TMEM108: variants seen among roughly 807,000 people sequenced by gnomAD.
TMEM108 encodes cancer/testis antigen 124.
Under a neutral mutation model 35.1 loss-of-function variants are expected in TMEM108, and 12 were observed. That is an observed-to-expected ratio of 0.34 (90% CI 0.22 to 0.55). TMEM108 has a LOEUF of 0.55. Ranked by LOEUF, TMEM108 falls within the 20% of genes least tolerant of loss-of-function variation. The pLI, the probability that TMEM108 is intolerant of heterozygous loss-of-function variation, is 0.89. For missense variants in TMEM108, 680 were observed against 753.3 expected, an observed-to-expected ratio of 0.90 and a Z score of 1.14; for synonymous variants, 287 against 308.6, an observed-to-expected ratio of 0.93 and a Z score of 0.73.
chr3:133,330,193 T>C lies in TMEM108; in HGVS notation c.41-49559T>C, dbSNP rs578232329. On this transcript the variant is annotated intron_variant, in intron 3 of 5. Coordinates refer to ENST00000321871, the MANE Select transcript of TMEM108 (RefSeq NM_023943.4). ...CTTTCAATAGATAAGAAGCCTTCTC[T>C]CTGCTGGCCATGCTTCCCCTGCGGA... Among the ~76,000 whole-genome samples the C allele has an allele frequency of 1.6e-4, 24 of 152,370 alleles. No homozygotes were observed. The South Asian group carries it at 5.0e-3, about 32-fold the overall frequency.
chr3:133,231,439 T>C (rs1946151761), intron 3 of TMEM108, among the ~76,000 whole-genome samples: 1 of 152,184 alleles, frequency 6.6e-6, no homozygotes, highest in South Asian at 2.1e-4. Flanking sequence ...ATGACTCTAA[T>C]GGCTGAGGGC....
chr3:133,209,638 T>C (rs1195686189), intron 2 of TMEM108, among the ~76,000 whole-genome samples: 6 of 152,182 alleles, frequency 3.9e-5, no homozygotes, highest in Non-Finnish European at 7.3e-5. Context: ...TCTGTGCAGT[T>C]GGCTATGGTC....
intron 2 of TMEM108, among the ~76,000 whole-genome samples, chr3:133,072,074 A>G (rs1411126143): frequency 2.0e-5 from 3 of 152,192 alleles, no homozygotes; most frequent in Non-Finnish European, 4.4e-5. Flanking sequence ...TATTGAAAAC[A>G]CAGTCCTTTG....
chr3:133,139,813 G>A (rs908860605), intron 2 of TMEM108, among the ~76,000 whole-genome samples: 4 of 152,140 alleles, frequency 2.6e-5, no homozygotes, highest in Non-Finnish European at 5.9e-5. Flanking sequence ...GCTTGCCACT[G>A]TGACATCTCT....
intron 3 of TMEM108, among the ~76,000 whole-genome samples, chr3:133,286,299 G>A (rs1364643716): frequency 1.3e-5 from 2 of 152,106 alleles, no homozygotes; most frequent in South Asian, 2.1e-4. Context: ...CAAAGAATCT[G>A]TGGTCATCTC....
intron 3 of TMEM108, among the ~76,000 whole-genome samples, chr3:133,359,606 G>A (rs1049157615): frequency 2.6e-5 from 4 of 152,130 alleles, no homozygotes; most frequent in Admixed American, 2.0e-4. Context: ...ACCTTCAGGC[G>A]GGTTAAAGCT....
At position 133,236,373 on chromosome 3, in the gene TMEM108, A is replaced by G. The variant is rs551151858; in HGVS notation, c.40+7022A>G. Among the ~76,000 whole-genome samples, 3 of 152,108 alleles carry G rather than the reference A, an allele frequency of 2.0e-5. No individual in the cohort carries two copies. In the South Asian group the frequency reaches 6.2e-4, roughly 32 times the overall value. ...ACTACTGGTATGGATTTGGACCCCT[A>G]CTCTATAGAATTTAGAAGGAAAATA... is the stretch of plus-strand genomic sequence containing the variant. On this transcript the variant is annotated intron_variant, in intron 3 of 5. Coordinates refer to ENST00000321871, the MANE Select transcript of TMEM108 (RefSeq NM_023943.4).
At chr3:133,127,658 T>C (rs9872737) in intron 2 of TMEM108, among the ~76,000 whole-genome samples, 48,259 of 152,130 alleles carry the variant, frequency 0.32, 9,060 homozygotes, top group Non-Finnish European at 0.42. Flanking sequence ...TCCTCTTGTC[T>C]TCCACTCCAG....
chr3:133,290,198 C>T (rs1947043406), intron 3 of TMEM108, among the ~76,000 whole-genome samples: 1 of 152,132 alleles, frequency 6.6e-6, no homozygotes, highest in African/African-American at 2.4e-5. Context: ...GACAAGGTGA[C>T]CAGGGAAGGC....
chr3:133,378,893 A>T (rs899919733), intron 3 of TMEM108, among the ~76,000 whole-genome samples: 4 of 151,248 alleles, frequency 2.6e-5, no homozygotes, highest in African/African-American at 9.7e-5. Flanking sequence ...GAGTTCAGCC[A>T]CATGAATGCC....
intron 2 of TMEM108, among the ~76,000 whole-genome samples, chr3:133,066,769 T>G (rs971739510): frequency 6.6e-6 from 1 of 152,202 alleles, no homozygotes; most frequent in Non-Finnish European, 1.5e-5. Context: ...ACCACTGCCT[T>G]TGAAGCCCCC....
Position 133,396,120 on chromosome 3 carries a change from A to G in TMEM108, c.*134A>G. The G allele has an allele frequency of 1.8e-6, 1 of 545,064 alleles. No homozygotes were observed. Among genetic ancestry groups the G allele is most frequent in the Non-Finnish European group, 2.5e-6 (1 of 395,504 alleles). 33.8% of individuals were successfully genotyped at this position (545,064 alleles called of 1,614,324 possible). On this transcript the variant is annotated 3_prime_UTR_variant, in exon 6 of 6. Transcript: ENST00000321871. ...ACATTTTCAGCTTTTTTTCCTATGA[A>G]TTGTCAACATCTTTTTTACAAGTGT...
chr3:133,380,871 C>A lies in TMEM108; in HGVS notation c.1160C>A (p.Thr387Asn), dbSNP rs977084601. ...QGASTTPQAPTHPSRVSESTI... is the reference protein window; with the variant it reads ...QGASTTPQAPNHPSRVSESTI... Reference sequence around the variant, plus strand: ...GCATCCACAACCCCACAAGCTCCAACCCATCCCTCCAGGGTCTCAGAAAGC... The same window carrying A: ...GCATCCACAACCCCACAAGCTCCAAACCATCCCTCCAGGGTCTCAGAAAGC... The change falls in exon 4 of 6, where the codon ACC becomes AAC. Residue 387 changes from threonine to asparagine, a missense_variant. Physicochemically the swap from Thr to Asn is moderately conservative, Grantham distance 65 (BLOSUM62 0). Around this residue, in one of 3 missense-constraint regions of TMEM108, gnomAD observed 526 missense variants for 532.1 expected, o/e 0.99. Coordinates refer to ENST00000321871, the MANE Select transcript of TMEM108 (RefSeq NM_023943.4). The surrounding 1 kb of genome is among the most constrained non-coding windows in gnomAD (Gnocchi z 5.3). 59 of 1,614,096 alleles carry A rather than the reference C, an allele frequency of 3.7e-5. No homozygotes were observed. The highest frequency in any genetic ancestry group is 4.7e-5 in the Non-Finnish European group (56 of 1,180,038).
At chr3:133,138,475 T>C (rs1460559353) in intron 2 of TMEM108, among the ~76,000 whole-genome samples, 2 of 152,182 alleles carry the variant, frequency 1.3e-5, no homozygotes, top group Non-Finnish European at 2.9e-5. Context: ...CCATAAACTT[T>C]CTTAAAACAT....
chr3:133,069,746 T>C (rs1016569157), intron 2 of TMEM108, among the ~76,000 whole-genome samples: 6 of 152,130 alleles, frequency 3.9e-5, no homozygotes, highest in African/African-American at 1.4e-4. Flanking sequence ...GTAGCCAGGA[T>C]TGGTGCATGA....
In TMEM108 at chr3:133,244,458, G is replaced by A. The variant is rs146805177; in HGVS notation, c.40+15107G>A. ...AGTATGGAGGTTCCATGTAAGGGCTGGAGATGGCTGGTGAAGGGCTGATTG... is the reference window on the plus strand; with the variant it reads ...AGTATGGAGGTTCCATGTAAGGGCTAGAGATGGCTGGTGAAGGGCTGATTG... On this transcript the variant is annotated intron_variant, in intron 3 of 5. Coordinates refer to ENST00000321871, the MANE Select transcript of TMEM108 (RefSeq NM_023943.4). Among the ~76,000 whole-genome samples, 5 of 152,302 alleles carry A rather than the reference G, an allele frequency of 3.3e-5. No homozygotes were observed. The East Asian group carries it at 9.7e-4, about 29-fold the overall frequency.
chr3:133,125,964 C>T (rs1944410512), intron 2 of TMEM108, among the ~76,000 whole-genome samples: 1 of 152,190 alleles, frequency 6.6e-6, no homozygotes, highest in South Asian at 2.1e-4. Flanking sequence ...ACACCAATGT[C>T]ATTTTTACTT....
At chr3:133,038,786 C>T (rs1943237853) in intron 1 of TMEM108, among the ~76,000 whole-genome samples, 1 of 152,088 alleles carries the variant, frequency 6.6e-6, no homozygotes, top group African/African-American at 2.4e-5. Context: ...GGGCTGGGGC[C>T]GAGGAGGAGG....
At chr3:133,132,307 G>A (rs1944501800) in intron 2 of TMEM108, among the ~76,000 whole-genome samples, 1 of 152,206 alleles carries the variant, frequency 6.6e-6, no homozygotes, top group African/African-American at 2.4e-5. Flanking sequence ...GTGCTTCAGA[G>A]GGCAGGGTGA....
Sources: gnomAD v4.1 joint callset for allele counts (sites outside exome capture counted in the v4.1 genomes callset) on GRCh38, gnomAD v4.1.1 for gene constraint, gnomAD v4.1.1 regional missense constraint, Gnocchi (gnomAD v3.1) non-coding constraint, MANE v1.5 for transcripts, NCBI Gene and HGNC (gene_info 2026-07-23, HGNC 2026-07-21) for gene names.